Variants in KTI12 observed in about 807,000 individuals in gnomAD.
The protein encoded by KTI12 is KTI12 chromatin associated homolog.
Under a neutral mutation model 8.8 loss-of-function variants are expected in KTI12, and 8 were observed. The observed-to-expected ratio is 0.91, with a 90% confidence interval of 0.53 to 1.64. KTI12 has a LOEUF of 1.64. Among genes scored for constraint, KTI12 ranks in the 40% most tolerant of loss-of-function variants. The probability of loss-of-function intolerance (pLI) is 0.00; values close to 1 mark genes in which losing one functional copy is unlikely to be tolerated. For missense variants in KTI12, 490 were observed against 492.1 expected (o/e 1.00, Z 0.04); for synonymous variants, 216 against 220.1 (o/e 0.98, Z 0.17).
In KTI12 at chr1:52,032,219, C is replaced by G; in HGVS notation, c.*478G>C. ...AATGGATTTATCTGTGAACTCGGTC[C>G]CAGAATAGAAACTAGCAAAAAGTCA... is the stretch of plus-strand genomic sequence containing the variant. On this transcript the variant is annotated 3_prime_UTR_variant, in exon 1 of 1. Transcript: ENST00000371614. 1.0e-6 allele frequency: 1 copy of G among 985,892 alleles called. No homozygotes were observed. Among genetic ancestry groups the G allele is most frequent in the Non-Finnish European group, 1.2e-6 (1 of 830,372 alleles). The allele number at this position is 985,892 out of a possible 1,614,324, so 61.1% of individuals were successfully genotyped here. A position where few individuals can be genotyped will look rare whatever the true frequency, so the allele number is the denominator to read the frequency against.
In KTI12 at chr1:52,032,914, G is replaced by T. The variant is rs777862178; in HGVS notation, c.848C>A (p.Ala283Asp). ...GCTCTTCTGCGCTTCCATCAATCCG[G>T]CCAGTACTTGACTCGTGACCTGGTC... is the stretch of plus-strand genomic sequence containing the variant. Reference protein sequence around the residue: ...QLDQVTSQVLAGLMEAQKSAV... With the variant: ...QLDQVTSQVLDGLMEAQKSAV... Residue 283 changes from alanine to aspartate, a missense_variant, in exon 1 of 1, where the codon GCC becomes GAC. Coordinates refer to ENST00000371614, the MANE Select transcript of KTI12 (RefSeq NM_138417.3). 14 of 1,611,306 alleles carry T rather than the reference G, an allele frequency of 8.7e-6. No homozygotes were observed. The highest frequency in any genetic ancestry group is 3.3e-4 in the Middle Eastern group (2 of 6,068).
rs1160257367 is a variant in KTI12, at chr1:52,033,251, G to C, written c.511C>G (p.Pro171Ala). ...VVNGSAQADV[P>A]KELEREESGA... Reference sequence around the variant, plus strand: ...GATTCTTCTCGCTCCAGTTCCTTGGGTACGTCGGCCTGGGCACTTCCATTT... The same window carrying C: ...GATTCTTCTCGCTCCAGTTCCTTGGCTACGTCGGCCTGGGCACTTCCATTT... The change falls in exon 1 of 1, where the codon CCC becomes GCC. Residue 171 changes from proline to alanine, a missense_variant. By Grantham distance (27) the Pro-to-Ala change is conservative. Transcript: ENST00000371614. 1.9e-6 allele frequency: 3 copies of C among 1,613,942 alleles called. No individual in the cohort carries two copies. Among genetic ancestry groups the C allele is most frequent in the Non-Finnish European group, 2.5e-6 (3 of 1,179,996 alleles).
rs949835676 is a variant in KTI12, at chr1:52,032,492, T to C, written c.*205A>G. ...AGGGATTTGCCAGGTTGCACCACAA[T>C]AGTTCTCCATTCTCTTTAGTCTGAA... On this transcript the variant is annotated 3_prime_UTR_variant, in exon 1 of 1. Coordinates refer to ENST00000371614, the MANE Select transcript of KTI12 (RefSeq NM_138417.3). 6.7e-6 allele frequency: 9 copies of C among 1,343,976 alleles called. No homozygotes were observed. The highest frequency in any genetic ancestry group is 2.8e-4 in the Middle Eastern group (1 of 3,580). The allele number at this position is 1,343,976 out of a possible 1,614,324, so 83.3% of individuals were successfully genotyped here.
chr1:52,033,763 C>A lies in KTI12; in HGVS notation c.-2G>T. 1 of 1,590,418 alleles carries A rather than the reference C, an allele frequency of 6.3e-7. No individual in the cohort carries two copies. Among genetic ancestry groups the A allele is most frequent in the South Asian group, 1.1e-5 (1 of 87,692 alleles). On this transcript the variant is annotated 5_prime_UTR_variant, in exon 1 of 1. The change creates a new upstream start codon in the 5' untranslated region. Coordinates refer to ENST00000371614, the MANE Select transcript of KTI12 (RefSeq NM_138417.3). The stretch of plus-strand genomic sequence containing the variant: ...CCCGCAAAACACCACGAGCGGCATC[C>A]TCTCAGGGAGCGACCATTGGCAACC...
chr1:52,033,212 A>C lies in KTI12; in HGVS notation c.550T>G (p.Ser184Ala), dbSNP rs1572002517. 6.2e-7 allele frequency: 1 copy of C among 1,613,902 alleles called. No homozygotes were observed. Among genetic ancestry groups the C allele is most frequent in the Non-Finnish European group, 8.5e-7 (1 of 1,179,970 alleles). The stretch of plus-strand genomic sequence containing the variant: ...GAATCCGGAGTCACAAGAGCTGGAG[A>C]CTCCGCAGCCCCGGATTCTTCTCGC... ...LEREESGAAE[S>A]PALVTPDSEK... Residue 184 changes from serine (S) to alanine (A), a missense_variant, in exon 1 of 1, where the codon TCT becomes GCT. Ser to Ala is a moderately conservative substitution (Grantham distance 99). Coordinates refer to ENST00000371614, the MANE Select transcript of KTI12 (RefSeq NM_138417.3).
Position 52,032,880 on chromosome 1 carries a change from G to A in KTI12, c.882C>T (p.Pro294=). ...GLMEAQKSAV[P]GDLLTLPGTT... ...TACCAGGAAGCGTGAGCAAGTCCCC[G>A]GGGACAGCGCTCTTCTGCGCTTCCA... Residue 294 remains proline (P), a synonymous_variant, in exon 1 of 1, where the codon CCC becomes CCT. Coordinates refer to ENST00000371614, the MANE Select transcript of KTI12 (RefSeq NM_138417.3). The A allele has an allele frequency of 2.5e-6, 4 of 1,614,004 alleles. No individual in the cohort carries two copies. The highest frequency in any genetic ancestry group is 2.2e-5 in the East Asian group (1 of 44,886).
chr1:52,033,272 C>A lies in KTI12; in HGVS notation c.490G>T (p.Gly164Ter). Reference protein sequence around the residue: ...ELHTADSVVNGSAQADVPKEL... With the variant: ...ELHTADSVVN ...TTGGGTACGTCGGCCTGGGCACTTC[C>A]ATTTACTACAGAGTCCGCAGTATGC... Residue 164 changes from glycine to a stop codon, truncating the protein, a stop_gained, in exon 1 of 1, where the codon GGA becomes TGA. Coordinates refer to ENST00000371614, the MANE Select transcript of KTI12 (RefSeq NM_138417.3). LOFTEE classifies it low-confidence loss of function (END_TRUNC). 6.2e-7 allele frequency: 1 copy of A among 1,613,934 alleles called. No homozygotes were observed. The highest frequency in any genetic ancestry group is 8.5e-7 in the Non-Finnish European group (1 of 1,179,940).
At position 52,032,549 on chromosome 1, in the gene KTI12, G is replaced by A. The variant is rs781007713; in HGVS notation, c.*148C>T. The A allele has an allele frequency of 1.3e-5, 18 of 1,403,360 alleles. No individual in the cohort carries two copies. The highest frequency in any genetic ancestry group is 2.6e-4 in the Middle Eastern group (1 of 3,806). The allele number at this position is 1,403,360 out of a possible 1,614,324, so 86.9% of individuals were successfully genotyped here. On this transcript the variant is annotated 3_prime_UTR_variant, in exon 1 of 1. Transcript: ENST00000371614. ...CTGTAAACCCAAGGCCTGGCACAGG[G>A]GTATGCAGGAAAGTTTGAGTGAATC...
At position 52,032,675 on chromosome 1, in the gene KTI12, G is replaced by T; in HGVS notation, c.*22C>A. The stretch of plus-strand genomic sequence containing the variant: ...AGTGGAGTGGAGATCAGAAGCCATG[G>T]CTTCCCCCCTACCTCCTCTGGTCAG... On this transcript the variant is annotated 3_prime_UTR_variant, in exon 1 of 1. Coordinates refer to ENST00000371614, the MANE Select transcript of KTI12 (RefSeq NM_138417.3). 1 of 1,561,358 alleles carries T rather than the reference G, an allele frequency of 6.4e-7. No individual in the cohort carries two copies. The highest frequency in any genetic ancestry group is 1.4e-5 in the African/African-American group (1 of 73,042).
rs1685824729 is a variant in KTI12 at position 52,033,672 on chromosome 1, G to A, written c.90C>T (p.Arg30=). ...ELRVALAAEG[R]AVYVVDDAAV... ...CTGCGTCGTCCACCACGTACACCGC[G>A]CGGCCCTCGGCAGCCAGCGCCACGC... The change falls in exon 1 of 1, where the codon CGC becomes CGT. Residue 30 remains arginine, a synonymous_variant. Transcript: ENST00000371614. 6.2e-7 allele frequency: 1 copy of A among 1,610,922 alleles called. No homozygotes were observed. The highest frequency in any genetic ancestry group is 8.5e-7 in the Non-Finnish European group (1 of 1,179,708).
chr1:52,033,670 G>A lies in KTI12; in HGVS notation c.92C>T (p.Ala31Val). The change falls in exon 1 of 1, where the codon GCG becomes GTG. Residue 31 changes from alanine to valine, a missense_variant. Transcript: ENST00000371614. ...AGCTGCGTCGTCCACCACGTACACC[G>A]CGCGGCCCTCGGCAGCCAGCGCCAC... ...LRVALAAEGR[A>V]VYVVDDAAVL... 1 of 1,611,014 alleles carries A rather than the reference G, an allele frequency of 6.2e-7. No individual in the cohort carries two copies. Among genetic ancestry groups the A allele is most frequent in the South Asian group, 1.1e-5 (1 of 91,040 alleles).
Position 52,032,700 on chromosome 1 carries a change from G to C in KTI12, c.1062C>G (p.His354Gln). The C allele has an allele frequency of 6.2e-7, 1 of 1,603,026 alleles. No individual in the cohort carries two copies. The highest frequency in any genetic ancestry group is 8.5e-7 in the Non-Finnish European group (1 of 1,174,136). Residue 354 changes from histidine to glutamine, a missense_variant, in exon 1 of 1, where the codon CAC becomes CAG. Transcript: ENST00000371614. ...GCTTCCCCCCTACCTCCTCTGGTCAGTGCAGGCTCTGGCTCAAATACTGAA... is the reference window on the plus strand; with the variant it reads ...GCTTCCCCCCTACCTCCTCTGGTCACTGCAGGCTCTGGCTCAAATACTGAA... ...MFLQYLSQSLH is the reference protein window; with the variant it reads ...MFLQYLSQSLQ
rs1300276086 is a variant in KTI12, at chr1:52,032,619, G to A, written c.*78C>T. ...CAGTACTGCATCGATATGCTCTGGA[G>A]ACCTGCAGCCTATTTTTCCCAGAGA... is the stretch of plus-strand genomic sequence containing the variant. On this transcript the variant is annotated 3_prime_UTR_variant, in exon 1 of 1. Coordinates refer to ENST00000371614, the MANE Select transcript of KTI12 (RefSeq NM_138417.3). The A allele has an allele frequency of 1.3e-6, 2 of 1,522,084 alleles. No individual in the cohort carries two copies. The highest frequency in any genetic ancestry group is 1.4e-5 in the African/African-American group (1 of 71,874). The allele number at this position is 1,522,084 out of a possible 1,614,324, so 94.3% of individuals were successfully genotyped here.
At position 52,033,523 on chromosome 1, in the gene KTI12, G is replaced by A; in HGVS notation, c.239C>T (p.Ser80Leu). 6.2e-7 allele frequency: 1 copy of A among 1,613,992 alleles called. No homozygotes were observed. The highest frequency in any genetic ancestry group is 8.5e-7 in the Non-Finnish European group (1 of 1,179,946). Residue 80 changes from serine (S) to leucine (L), a missense_variant, in exon 1 of 1, where the codon TCG becomes TTG. Transcript: ENST00000371614. ...LSRHDVVILDSLNYIKGFRYE... is the reference protein window; with the variant it reads ...LSRHDVVILDLLNYIKGFRYE... ...ACGGAAACCTTTGATGTAGTTAAGC[G>A]AGTCCAGGATGACCACGTCGTGGCG...
rs758666822 is a variant in KTI12 at position 52,033,253 on chromosome 1, A to C, written c.509T>G (p.Val170Gly). The part of the protein sequence containing the change: ...SVVNGSAQAD[V>G]PKELEREESG... ...TTCTTCTCGCTCCAGTTCCTTGGGT[A>C]CGTCGGCCTGGGCACTTCCATTTAC... The change falls in exon 1 of 1, where the codon GTA becomes GGA. Residue 170 changes from valine to glycine, a missense_variant. Physicochemically the swap from Val to Gly is moderately radical, Grantham distance 109. Transcript: ENST00000371614. The C allele has an allele frequency of 1.2e-6, 2 of 1,614,010 alleles. No homozygotes were observed. Among genetic ancestry groups the C allele is most frequent in the Non-Finnish European group, 1.7e-6 (2 of 1,179,966 alleles).
In KTI12 at chr1:52,032,901, T is replaced by G. The variant is rs754634854; in HGVS notation, c.861A>C (p.Glu287Asp). Reference sequence around the variant, plus strand: ...CCCCGGGGACAGCGCTCTTCTGCGCTTCCATCAATCCGGCCAGTACTTGAC... The same window carrying G: ...CCCCGGGGACAGCGCTCTTCTGCGCGTCCATCAATCCGGCCAGTACTTGAC... ...VTSQVLAGLM[E>D]AQKSAVPGDL... Residue 287 changes from glutamate (E) to aspartate (D), a missense_variant, in exon 1 of 1, where the codon GAA becomes GAC. By Grantham distance (45) the Glu-to-Asp change is conservative. Transcript: ENST00000371614. 1.2e-5 allele frequency: 20 copies of G among 1,612,542 alleles called. No homozygotes were observed. In the South Asian group the frequency reaches 2.1e-4, roughly 17 times the overall value.
Position 52,032,525 on chromosome 1 carries a change from T to C in KTI12, c.*172A>G. The C allele has an allele frequency of 1.4e-6, 2 of 1,385,102 alleles. No individual in the cohort carries two copies. The highest frequency in any genetic ancestry group is 9.3e-7 in the Non-Finnish European group (1 of 1,075,642). The allele number at this position is 1,385,102 out of a possible 1,614,324, so 85.8% of individuals were successfully genotyped here. ...CATTCTCTTTAGTCTGAACTTATGCTGTAAACCCAAGGCCTGGCACAGGGG... is the reference window on the plus strand; with the variant it reads ...CATTCTCTTTAGTCTGAACTTATGCCGTAAACCCAAGGCCTGGCACAGGGG... On this transcript the variant is annotated 3_prime_UTR_variant, in exon 1 of 1. Transcript: ENST00000371614.
chr1:52,033,701 A>G lies in KTI12; in HGVS notation c.61T>C (p.Leu21=), dbSNP rs1685826017. ...CCCTCGGCAGCCAGCGCCACGCGCA[A>G]CTCTTCAGCACGCCGGCTCTTGCCG... ...YSGKSRRAEE[L]RVALAAEGRA... Residue 21 remains leucine (L), a synonymous_variant, in exon 1 of 1, where the codon TTG becomes CTG. Coordinates refer to ENST00000371614, the MANE Select transcript of KTI12 (RefSeq NM_138417.3). 6.2e-7 allele frequency: 1 copy of G among 1,610,830 alleles called. No homozygotes were observed. The highest frequency in any genetic ancestry group is 1.7e-5 in the Admixed American group (1 of 59,930).
Position 52,033,018 on chromosome 1 carries a change from C to T in KTI12, c.744G>A (p.Leu248=). ...PLPLAGIRSA[L]FENRAPPPHQ... ...GGGGTGGTGGGGCCCGGTTCTCAAA[C>T]AGGGCAGAGCGGATCCCCGCCAGGG... is the stretch of plus-strand genomic sequence containing the variant. Residue 248 remains leucine (L), a synonymous_variant, in exon 1 of 1, where the codon CTG becomes CTA. Coordinates refer to ENST00000371614, the MANE Select transcript of KTI12 (RefSeq NM_138417.3). 1 of 1,560,262 alleles carries T rather than the reference C, an allele frequency of 6.4e-7. No individual in the cohort carries two copies.
Sources: gnomAD v4.1 joint callset for allele counts on GRCh38, gnomAD v4.1.1 for gene constraint, MANE v1.5 for transcripts, NCBI Gene and HGNC (gene_info 2026-07-23, HGNC 2026-07-21) for gene names.